The following FMN1 variants were observed in gnomAD, a reference collection of about 807,000 sequenced individuals.
FMN1 encodes the protein formin 1, also known as formin-1.
Under a neutral mutation model 132.4 loss-of-function variants are expected in FMN1, and 110 were observed. The ratio of observed to expected loss-of-function variants is 0.83; its 90% CI spans 0.71 to 0.97. FMN1 has a LOEUF of 0.97. Ranked by LOEUF, FMN1 falls within the 50% of genes least tolerant of loss-of-function variation. The pLI is 0.00. For missense variants in FMN1, 1,792 were observed against 1,705.3 expected (o/e 1.05, Z -0.90); for synonymous variants, 722 against 651.7 (o/e 1.11, Z -1.64).
rs555728030 is a variant in FMN1 at position 33,125,429 on chromosome 15, G to A, written c.1867+27619C>T. ...CTTCCTAGATGTACCAGTGCACTAA[G>A]ACAATATGTGTAGAAGATTATTTAA... On this transcript the variant is annotated intron_variant, in intron 4 of 20. Transcript: ENST00000616417. Among the ~76,000 whole-genome samples the A allele has an allele frequency of 4.3e-5, 6 of 139,794 alleles. No individual in the cohort carries two copies. In the East Asian group the frequency reaches 8.8e-4, roughly 21 times the overall value. 91.7% of individuals were successfully genotyped at this position (139,794 alleles called of 152,430 possible). A position where few individuals can be genotyped will look rare whatever the true frequency, so the allele number is the denominator to read the frequency against.
chr15:32,947,367 T>C (rs1387173443), intron 9 of FMN1, among the ~76,000 whole-genome samples: 2 of 151,958 alleles, frequency 1.3e-5, no homozygotes, highest in African/African-American at 2.4e-5. Context: ...TTTTCACTCA[T>C]TATTTATTTA....
rs776033941 is a variant in FMN1 at position 32,969,277 on chromosome 15, G to C, written c.2424C>G (p.Asp808Glu). ...KTFRNVCVQT[D>E]RETFLKPCES... ...CACAGGGCTTGAGGAAGGTCTCTCT[G>C]TCTGTCTGGACGCACACATTTCTGA... Residue 808 changes from aspartate to glutamate, a missense_variant, in exon 8 of 21, where the codon GAC (aspartate) becomes GAG (glutamate). Transcript: ENST00000616417. The C allele has an allele frequency of 2.2e-5, 36 of 1,613,848 alleles. No homozygotes were observed. Among genetic ancestry groups the C allele is most frequent in the Middle Eastern group, 1.6e-4 (1 of 6,062 alleles).
chr15:33,124,405 A>T (rs3861198), intron 4 of FMN1, among the ~76,000 whole-genome samples: 15,640 of 152,126 alleles, frequency 0.1, 850 homozygotes, highest in Middle Eastern at 0.17. Flanking sequence ...CCCCCTTGCC[A>T]TTTTGTGCCT....
intron 5 of FMN1, among the ~76,000 whole-genome samples, chr15:33,077,867 G>C (rs2038284020): frequency 6.6e-6 from 1 of 150,458 alleles, no homozygotes; most frequent in African/African-American, 2.4e-5. Flanking sequence ...TATTTATGCA[G>C]CCAAAAGACA....
intron 7 of FMN1, among the ~76,000 whole-genome samples, chr15:33,004,261 A>C (rs1368443191): frequency 1.3e-5 from 2 of 152,224 alleles, no homozygotes; most frequent in Non-Finnish European, 2.9e-5. Flanking sequence ...CAGGCAACCT[A>C]CAGAATGGGA....
At chr15:32,913,668 C>T (rs923141779) in intron 10 of FMN1, among the ~76,000 whole-genome samples, 5 of 152,200 alleles carry the variant, frequency 3.3e-5, no homozygotes, top group Non-Finnish European at 7.3e-5. Flanking sequence ...TCATATTTTA[C>T]ATAAGGTGAA....
chr15:32,856,545 G>C (rs996137616), intron 17 of FMN1, among the ~76,000 whole-genome samples: 13 of 152,238 alleles, frequency 8.5e-5, no homozygotes, highest in Admixed American at 7.8e-4. Context: ...ACATTCACTT[G>C]GCCCTAATTT....
chr15:33,135,380 C>T (rs1472985844), intron 4 of FMN1, among the ~76,000 whole-genome samples: 1 of 152,098 alleles, frequency 6.6e-6, no homozygotes, highest in Non-Finnish European at 1.5e-5. Flanking sequence ...AATGTTGGTA[C>T]AAACTGGACA....
At chr15:32,869,334 GAA>G (rs537410085) in intron 16 of FMN1, among the ~76,000 whole-genome samples, 1 of 152,160 alleles carries the variant, frequency 6.6e-6, no homozygotes, top group African/African-American at 2.4e-5. Flanking sequence ...GCCTGGTTAG[GAA>G]AAGTGTCACA....
chr15:33,001,599 CCCT>C (rs897143540), intron 7 of FMN1, among the ~76,000 whole-genome samples: 23 of 134,640 alleles, frequency 1.7e-4, no homozygotes, highest in Non-Finnish European at 3.2e-4. Flanking sequence ...TCCTCCTCCT[CCCT>C]CCTCCTCGAG....
intron 5 of FMN1, among the ~76,000 whole-genome samples, chr15:33,084,656 G>C (rs1266987241): frequency 2.0e-5 from 3 of 152,106 alleles, no homozygotes; most frequent in Non-Finnish European, 4.4e-5. Context: ...TTTTCATTTA[G>C]TTTGTTAAAT....
At chr15:32,981,978 A>G (rs1383197830) in intron 7 of FMN1, among the ~76,000 whole-genome samples, 1 of 148,134 alleles carries the variant, frequency 6.8e-6, no homozygotes, top group Non-Finnish European at 1.5e-5. Context: ...TTGGAAAACA[A>G]ATAACGGACA....
intron 7 of FMN1, among the ~76,000 whole-genome samples, chr15:32,989,596 G>C (rs2033308448): frequency 6.6e-6 from 1 of 152,108 alleles, no homozygotes; most frequent in Admixed American, 6.6e-5. Context: ...ATAAATTGGA[G>C]GGTCTTAAAT....
chr15:33,020,334 C>G (rs562517222), intron 6 of FMN1, among the ~76,000 whole-genome samples: 1 of 152,162 alleles, frequency 6.6e-6, no homozygotes, highest in Admixed American at 6.5e-5. Flanking sequence ...CCCCCAACCC[C>G]CCCACCAGAT....
intron 17 of FMN1, among the ~76,000 whole-genome samples, chr15:32,844,910 C>T (rs2058823747): frequency 1.3e-5 from 2 of 152,206 alleles, no homozygotes; most frequent in African/African-American, 4.8e-5. Flanking sequence ...TACATTAGTC[C>T]TGCGTTCCTA....
chr15:32,777,620 CAT>C (rs2056481674), intron 19 of FMN1, among the ~76,000 whole-genome samples: 13 of 42,132 alleles, frequency 3.1e-4, no homozygotes, highest in South Asian at 1.0e-3. Context: ...TAACATAACA[CAT>C]TTATATATTA....
At chr15:32,888,822 T>C (rs900659427) in intron 15 of FMN1, among the ~76,000 whole-genome samples, 1 of 151,574 alleles carries the variant, frequency 6.6e-6, no homozygotes, top group Non-Finnish European at 1.5e-5. Context: ...ATGATCAGAT[T>C]CTTTGTATAT....
chr15:33,159,892 C>CCTTG (rs1286842074), intron 3 of FMN1, among the ~76,000 whole-genome samples: 1 of 152,094 alleles, frequency 6.6e-6, no homozygotes, highest in African/African-American at 2.4e-5. Flanking sequence ...AACTGTAGTC[C>CCTTG]CAAGATGTAT....
intron 6 of FMN1, among the ~76,000 whole-genome samples, chr15:33,060,052 C>T (rs2037414372): frequency 6.6e-6 from 1 of 152,214 alleles, no homozygotes; most frequent in Non-Finnish European, 1.5e-5. Flanking sequence ...CCTTTTTCTG[C>T]ACCCACAAAC....
Sources: allele counts gnomAD v4.1 joint callset (sites outside exome capture counted in the v4.1 genomes callset), GRCh38; gene constraint gnomAD v4.1.1; transcripts MANE v1.5; gene names NCBI Gene and HGNC (gene_info 2026-07-23, HGNC 2026-07-21).